Variants in PHACTR1 observed in about 807,000 individuals in gnomAD.
The protein encoded by PHACTR1 is phosphatase and actin regulator 1.
PHACTR1 carries 16 observed loss-of-function variants against 69.2 expected under a neutral mutation model. The observed-to-expected ratio is 0.23, with a 90% CI of 0.16 to 0.35. The LOEUF is 0.35. Among genes scored for constraint, PHACTR1 ranks in the 10% least tolerant of loss-of-function variants. The pLI is 1.00. For missense variants in PHACTR1, 510 were observed against 734.7 expected, an observed-to-expected ratio of 0.69 and a Z score of 3.54; for synonymous variants, 312 against 284.5, an observed-to-expected ratio of 1.10 and a Z score of -0.97.
At chr6:12,748,588 C>T (rs1766113027) in intron 3 of PHACTR1, among the ~76,000 whole-genome samples, 1 of 152,158 alleles carries the variant, frequency 6.6e-6, no homozygotes, top group African/African-American at 2.4e-5. Flanking sequence ...ACCCCAGAAA[C>T]CTTTCTAGGT....
At chr6:12,807,247 G>A (rs1774451560) in intron 4 of PHACTR1, among the ~76,000 whole-genome samples, 1 of 152,170 alleles carries the variant, frequency 6.6e-6, no homozygotes, top group South Asian at 2.1e-4. Context: ...ATAAATGGAT[G>A]TGGGAATGAA....
At chr6:13,265,707 G>A (rs747966362) in intron 10 of PHACTR1, among the ~76,000 whole-genome samples, 4 of 152,140 alleles carry the variant, frequency 2.6e-5, no homozygotes, top group Non-Finnish European at 4.4e-5. Flanking sequence ...GAAAGCCTTA[G>A]CATTAGTTAC....
At chr6:13,215,951 T>A (rs1767606841) in intron 8 of PHACTR1, among the ~76,000 whole-genome samples, 1 of 151,928 alleles carries the variant, frequency 6.6e-6, no homozygotes, top group African/African-American at 2.4e-5. Context: ...AGCATTGTGA[T>A]AGGCACAGAG....
At chr6:12,999,813 G>A (rs1443271575) in intron 4 of PHACTR1, among the ~76,000 whole-genome samples, 2 of 152,116 alleles carry the variant, frequency 1.3e-5, no homozygotes, top group African/African-American at 2.4e-5. Flanking sequence ...TGGGAAAAGG[G>A]AGCATCCGTG....
At chr6:13,274,473 G>C (rs557584145) in intron 11 of PHACTR1, 19 of 152,348 alleles carry the variant, frequency 1.2e-4, no homozygotes, top group African/African-American at 4.3e-4. Context: ...TTGTTGGAGA[G>C]AAAGATAAAC....
intron 4 of PHACTR1, among the ~76,000 whole-genome samples, chr6:12,816,340 AG>A (rs1451387426): frequency 6.6e-6 from 1 of 152,196 alleles, no homozygotes; most frequent in African/African-American, 2.4e-5. Flanking sequence ...CTTAATCTGA[AG>A]TTCTCTCTAA....
intron 5 of PHACTR1, among the ~76,000 whole-genome samples, chr6:13,061,289 A>G (rs990332662): frequency 7.2e-5 from 11 of 152,170 alleles, no homozygotes; most frequent in Admixed American, 2.6e-4. Context: ...GATCACATTC[A>G]TGGGAACCAA....
At chr6:12,802,328 T>C (rs13203883) in intron 4 of PHACTR1, among the ~76,000 whole-genome samples, 56,385 of 151,616 alleles carry the variant, frequency 0.37, 11,295 homozygotes, top group African/African-American at 0.5. Flanking sequence ...GGCAATTTAC[T>C]ATAACGTAAA....
chr6:12,730,455 AT>A (rs201547767), intron 3 of PHACTR1, among the ~76,000 whole-genome samples: 1,714 of 151,220 alleles, frequency 0.011, 35 homozygotes, highest in South Asian at 0.068. Flanking sequence ...TTATAAGGTC[AT>A]TTAAAAAAAC....
intron 4 of PHACTR1, among the ~76,000 whole-genome samples, chr6:12,756,625 T>C (rs1767356486): frequency 6.6e-6 from 1 of 152,340 alleles, no homozygotes; most frequent in East Asian, 1.9e-4. Flanking sequence ...CCTGTAGGCT[T>C]TCTATTGATC....
intron 4 of PHACTR1, among the ~76,000 whole-genome samples, chr6:12,799,289 G>T (rs1178430942): frequency 6.6e-6 from 1 of 152,136 alleles, no homozygotes; most frequent in East Asian, 1.9e-4. Flanking sequence ...ACATCAAGCT[G>T]GGTCACAATA....
intron 4 of PHACTR1, among the ~76,000 whole-genome samples, chr6:12,961,822 G>A (rs1181182227): frequency 1.3e-5 from 2 of 152,180 alleles, no homozygotes; most frequent in African/African-American, 2.4e-5. Flanking sequence ...TTTTCCTGAG[G>A]TCTTGCTCCT....
intron 6 of PHACTR1, among the ~76,000 whole-genome samples, chr6:13,177,702 AT>A (rs1416237361): frequency 2.6e-5 from 4 of 152,072 alleles, no homozygotes; most frequent in Non-Finnish European, 4.4e-5. Context: ...GCAACAAACC[AT>A]TTTTTTAAGC....
chr6:12,880,323 C>T (rs1656766149), intron 4 of PHACTR1, among the ~76,000 whole-genome samples: 1 of 150,888 alleles, frequency 6.6e-6, no homozygotes, highest in African/African-American at 2.4e-5. Context: ...ACCTTCCTGG[C>T]TCAAACGATC....
intron 4 of PHACTR1, among the ~76,000 whole-genome samples, chr6:12,759,592 T>C (rs1386144250): frequency 6.6e-6 from 1 of 152,172 alleles, no homozygotes; most frequent in Non-Finnish European, 1.5e-5. Context: ...GGGGCCACAC[T>C]GATGATAAGT....
chr6:13,029,921 C>T (rs1044957871), intron 4 of PHACTR1, among the ~76,000 whole-genome samples: 2 of 152,194 alleles, frequency 1.3e-5, no homozygotes, highest in Non-Finnish European at 2.9e-5. Context: ...ACAGAACAGG[C>T]ACAGACCCCA....
chr6:12,990,759 A>G (rs1268558751), intron 4 of PHACTR1, among the ~76,000 whole-genome samples: 2 of 152,224 alleles, frequency 1.3e-5, no homozygotes, highest in African/African-American at 2.4e-5. Flanking sequence ...TTGAAAGGTG[A>G]TGAATGCAGA....
intron 8 of PHACTR1, among the ~76,000 whole-genome samples, chr6:13,213,608 C>A (rs1288214736): frequency 6.6e-6 from 1 of 152,208 alleles, no homozygotes; most frequent in African/African-American, 2.4e-5. Context: ...TTAGTATTAA[C>A]AAGTGGGGCT....
intron 5 of PHACTR1, among the ~76,000 whole-genome samples, chr6:13,141,536 G>C (rs1050882838): frequency 4.6e-5 from 7 of 152,160 alleles, no homozygotes; most frequent in Non-Finnish European, 8.8e-5. Context: ...AAAACTAGTG[G>C]AGAAGTCTGG....
Sources: gnomAD v4.1 joint callset for allele counts (sites outside exome capture counted in the v4.1 genomes callset) on GRCh38, gnomAD v4.1.1 for gene constraint, MANE v1.5 for transcripts, NCBI Gene and HGNC (gene_info 2026-07-23, HGNC 2026-07-21) for gene names.